The following CHD5 variants were observed in gnomAD, a reference collection of about 807,000 sequenced individuals.
CHD5 encodes the protein ATP-dependent chromatin remodeler CHD5.
A neutral mutation model predicts 230.3 loss-of-function variants in CHD5; 69 were observed. That is an observed-to-expected ratio of 0.30 (90% CI 0.25 to 0.37). The LOEUF (loss-of-function observed/expected upper bound fraction) is 0.37, where lower values mean the gene tolerates loss of function less well. Ranked by LOEUF, CHD5 falls within the 10% of genes least tolerant of loss-of-function variation. The pLI, the probability that CHD5 is intolerant of heterozygous loss-of-function variation, is 1.00. For missense variants in CHD5, 1,827 were observed against 2,622.8 expected (o/e 0.70, Z 6.63); for synonymous variants, 1,064 against 1,065.9 (o/e 1.00, Z 0.03).
chr1:6,117,144 A>G (rs753994760), intron 33 of CHD5, among the ~76,000 whole-genome samples: 2 of 152,184 alleles, frequency 1.3e-5, no homozygotes, highest in Non-Finnish European at 2.9e-5. Flanking sequence ...AGATGGCAGG[A>G]AAAGAGAAAA....
chr1:6,164,479 C>T (rs558486537), intron 2 of CHD5, among the ~76,000 whole-genome samples: 1 of 152,314 alleles, frequency 6.6e-6, no homozygotes, highest in African/African-American at 2.4e-5. Flanking sequence ...GGCTGCAGCC[C>T]GGTTATTTTA....
At position 6,167,157 on chromosome 1, in the gene CHD5, C is replaced by CGGGGAAAAGAAAGGTGGAGAGCT. The variant is rs1667268430; in HGVS notation, c.207+992_207+993insAGCTCTCCACCTTTCTTTTCCCC. On this transcript the variant is annotated intron_variant, in intron 2 of 41. Transcript: ENST00000262450. The surrounding 1 kb of genome is among the most constrained non-coding windows in gnomAD (Gnocchi z 4.5). ...TGGGGCCAGGCCAGTCCCCTCTAGG[C>CGGGGAAAAGAAAGGTGGAGAGCT]GGGGGAAAGAAAGGTGGAGAGCTGG... Among the ~76,000 whole-genome samples, 1 of 152,122 alleles carries CGGGGAAAAGAAAGGTGGAGAGCT rather than the reference C, an allele frequency of 6.6e-6. No individual in the cohort carries two copies. Among genetic ancestry groups the CGGGGAAAAGAAAGGTGGAGAGCT allele is most frequent in the African/African-American group, 2.4e-5 (1 of 41,430 alleles).
chr1:6,128,049 G>A lies in CHD5; in HGVS notation c.3900C>T (p.Gly1300=), dbSNP rs1396018353. Residue 1300 remains glycine, a synonymous_variant, in exon 25 of 42, where the codon GGC becomes GGT. Transcript: ENST00000262450. This position sits in a 1 kb window ranked among gnomAD's most constrained non-coding sequence, Gnocchi z 7.8. The stretch of plus-strand genomic sequence containing the variant: ...GAGGGCGGGCCGGGGACCTTACCAC[G>A]CCGTCCTCCTCGCGCACCACGTACT... ...VAQYVVREED[G]VEEVEREIIK... is the part of the protein sequence containing the mutation. The A allele has an allele frequency of 3.7e-6, 6 of 1,603,824 alleles. No individual in the cohort carries two copies. Among genetic ancestry groups the A allele is most frequent in the African/African-American group, 1.3e-5 (1 of 74,748 alleles).
chr1:6,174,791 T>C (rs1453361502), intron 1 of CHD5, among the ~76,000 whole-genome samples: 1 of 150,770 alleles, frequency 6.6e-6, no homozygotes, highest in African/African-American at 2.5e-5. Flanking sequence ...GGTGGGTGGA[T>C]GGATGAATGG....
At position 6,134,345 on chromosome 1, in the gene CHD5, G is replaced by C. The variant is rs1020357188; in HGVS notation, c.3013-86C>G. 2.0e-6 allele frequency: 3 copies of C among 1,500,850 alleles called. No homozygotes were observed. Among genetic ancestry groups the C allele is most frequent in the East Asian group, 2.3e-5 (1 of 44,120 alleles). The allele number at this position is 1,500,850 out of a possible 1,614,324, so 93.0% of individuals were successfully genotyped here. A position where few individuals can be genotyped will look rare whatever the true frequency, so the allele number is the denominator to read the frequency against. On this transcript the variant is annotated intron_variant, in intron 19 of 41. Coordinates refer to ENST00000262450, the MANE Select transcript of CHD5 (RefSeq NM_015557.3). This position sits in a 1 kb window ranked among gnomAD's most constrained non-coding sequence, Gnocchi z 6.3. ...CAAAGGGGCCGCAGGGAACAGACAA[G>C]TGCTGAGCAATGGGGTGATGGCCTG...
chr1:6,152,416 G>C lies in CHD5; in HGVS notation c.866C>G (p.Ser289Cys). The change falls in exon 6 of 42, where the codon TCC becomes TGC. Residue 289 changes from serine (S) to cysteine (C), a missense_variant. Transcript: ENST00000262450. ...GGISNKRKKG[S>C]SSEEDEREES... ...CGCACACACGCACACACTCACCGAG[G>C]AGCCTTTCTTCCTCTTGTTGCTGAT... The C allele has an allele frequency of 6.2e-7, 1 of 1,613,494 alleles. No individual in the cohort carries two copies. The highest frequency in any genetic ancestry group is 8.5e-7 in the Non-Finnish European group (1 of 1,179,708).
chr1:6,112,878 C>T, intron 34 of CHD5, 31 bp downstream of exon 34: 1 of 1,538,120 alleles, frequency 6.5e-7, no homozygotes, highest in Middle Eastern at 1.7e-4. Flanking sequence ...GACCATGGGG[C>T]ACAGGTAGAG....
Position 6,134,915 on chromosome 1 carries a change from C to T in CHD5, c.2871-56G>A. On this transcript the variant is annotated intron_variant, in intron 18 of 41. Transcript: ENST00000262450. The surrounding 1 kb of genome is among the most constrained non-coding windows in gnomAD (Gnocchi z 6.3). ...GGTCAGACCCGCCTCCATGAGGGCT[C>T]TCTCTGCTCTGCAGTGGGGCTGGAA... 1.2e-6 allele frequency: 2 copies of T among 1,607,204 alleles called. No individual in the cohort carries two copies. The highest frequency in any genetic ancestry group is 1.7e-6 in the Non-Finnish European group (2 of 1,174,998).
In CHD5 at chr1:6,110,044, C is replaced by T. The variant is rs1666260526; in HGVS notation, c.5383-54G>A. 6 of 1,421,166 alleles carry T rather than the reference C, an allele frequency of 4.2e-6. No homozygotes were observed. The South Asian group carries it at 5.8e-5, about 14-fold the overall frequency. The allele number at this position is 1,421,166 out of a possible 1,614,324, so 88.0% of individuals were successfully genotyped here. A position where few individuals can be genotyped will look rare whatever the true frequency, so the allele number is the denominator to read the frequency against. ...CCCCTCCCGCTGAATGGCTACCCTCCGTGCTCCACCAGCGCCCACCCCAGG... is the reference window on the plus strand; with the variant it reads ...CCCCTCCCGCTGAATGGCTACCCTCTGTGCTCCACCAGCGCCCACCCCAGG... On this transcript the variant is annotated intron_variant, in intron 37 of 41. Coordinates refer to ENST00000262450, the MANE Select transcript of CHD5 (RefSeq NM_015557.3).
chr1:6,105,815 C>T lies in CHD5; in HGVS notation c.*47-388G>A, dbSNP rs1666154074. Among the ~76,000 whole-genome samples, 1 of 152,244 alleles carries T rather than the reference C, an allele frequency of 6.6e-6. No individual in the cohort carries two copies. The highest frequency in any genetic ancestry group is 2.1e-4 in the South Asian group (1 of 4,834). On this transcript the variant is annotated intron_variant, in intron 41 of 41. Transcript: ENST00000262450. This position sits in a 1 kb window ranked among gnomAD's most constrained non-coding sequence, Gnocchi z 4.8. ...CCCCACAAAACCCTCAGCCACCCTC[C>T]TGGTCCTGGGCAGGAAGTGAGGGTG...
Position 6,144,006 on chromosome 1 carries a change from C to T in CHD5, c.1934+18G>A, listed in dbSNP as rs201669476. 1.5e-5 allele frequency: 25 copies of T among 1,614,116 alleles called. No homozygotes were observed. Among genetic ancestry groups the T allele is most frequent in the East Asian group, 4.5e-5 (2 of 44,880 alleles). ...GTCCCGGCAGCCTGTGCCTAGCAGC[C>T]GGATCCCTGCGACCCACCTGTGGCC... is the stretch of plus-strand genomic sequence containing the variant. On this transcript the variant is annotated intron_variant, in intron 12 of 41. Transcript: ENST00000262450.
rs778747544 is a variant in CHD5, at chr1:6,148,835, G to A, written c.1383+19C>T. 1.4e-6 allele frequency: 2 copies of A among 1,468,396 alleles called. No individual in the cohort carries two copies. Among genetic ancestry groups the A allele is most frequent in the Non-Finnish European group, 1.8e-6 (2 of 1,103,586 alleles). 91.0% of individuals were successfully genotyped at this position (1,468,396 alleles called of 1,614,324 possible). A position where few individuals can be genotyped will look rare whatever the true frequency, so the allele number is the denominator to read the frequency against. On this transcript the variant is annotated intron_variant, in intron 9 of 41. Coordinates refer to ENST00000262450, the MANE Select transcript of CHD5 (RefSeq NM_015557.3). The stretch of plus-strand genomic sequence containing the variant: ...GGGGTGGGGCGGGGCGTCCGGCGCG[G>A]GGCGGGCGGAACACTCACAGTACAG...
At chr1:6,106,019 G>C (rs1666157420) in intron 41 of CHD5, among the ~76,000 whole-genome samples, 1 of 152,160 alleles carries the variant, frequency 6.6e-6, no homozygotes, top group African/African-American at 2.4e-5. Context: ...CAGCCTCCCA[G>C]TGGACAGACA....
chr1:6,134,952 A>G lies in CHD5; in HGVS notation c.2871-93T>C. The G allele has an allele frequency of 6.5e-7, 1 of 1,536,406 alleles. No individual in the cohort carries two copies. Among genetic ancestry groups the G allele is most frequent in the South Asian group, 1.2e-5 (1 of 85,658 alleles). On this transcript the variant is annotated intron_variant, in intron 18 of 41. Coordinates refer to ENST00000262450, the MANE Select transcript of CHD5 (RefSeq NM_015557.3). The surrounding 1 kb of genome is among the most constrained non-coding windows in gnomAD (Gnocchi z 6.3). ...CAGTGGGGCTGGAAGCTGGTGGCCA[A>G]GCACCCATTTACAGAGAGACCCAAG...
chr1:6,152,379 TGCACACACAC>T (rs1260274691), intron 6 of CHD5, 23 bp downstream of exon 6: 10 of 1,597,746 alleles, frequency 6.3e-6, no homozygotes, highest in Non-Finnish European at 8.5e-6. Flanking sequence ...TGCATGCAAA[TGCACACACAC>T]GCGCACACAC....
At position 6,128,381 on chromosome 1, in the gene CHD5, C is replaced by A. The variant is rs1468863055; in HGVS notation, c.3730+118G>T. 4.5e-6 allele frequency: 5 copies of A among 1,102,080 alleles called. No homozygotes were observed. Among genetic ancestry groups the A allele is most frequent in the South Asian group, 1.4e-5 (1 of 70,338 alleles). 68.3% of individuals were successfully genotyped at this position (1,102,080 alleles called of 1,614,324 possible). A position where few individuals can be genotyped will look rare whatever the true frequency, so the allele number is the denominator to read the frequency against. On this transcript the variant is annotated intron_variant, in intron 24 of 41. Transcript: ENST00000262450. The surrounding 1 kb of genome is among the most constrained non-coding windows in gnomAD (Gnocchi z 7.8). ...GAAACTGCGCTGTAACAGCCCCACT[C>A]GCCGCCCACCTGGCAGTCCCAGGAC...
rs1201515376 is a variant in CHD5, at chr1:6,130,463, C to T, written c.3263-135G>A. The T allele has an allele frequency of 2.4e-6, 2 of 843,326 alleles. No individual in the cohort carries two copies. Among genetic ancestry groups the T allele is most frequent in the Non-Finnish European group, 3.6e-6 (2 of 549,178 alleles). The allele number at this position is 843,326 out of a possible 1,614,324, so 52.2% of individuals were successfully genotyped here. ...CAGAGAAGGACAAAGCCGGAGACCC[C>T]ATCAGAGACGGGTGGCCACAGCTGC... On this transcript the variant is annotated intron_variant, in intron 21 of 41. Coordinates refer to ENST00000262450, the MANE Select transcript of CHD5 (RefSeq NM_015557.3). The surrounding 1 kb of genome is among the most constrained non-coding windows in gnomAD (Gnocchi z 4.9).
At chr1:6,135,133 G>T in intron 18 of CHD5, 97 bp downstream of exon 18, 1 of 1,404,538 alleles carries the variant, frequency 7.1e-7, no homozygotes, top group Non-Finnish European at 1.0e-6. Context: ...ACCTCAGTGA[G>T]GCTGAAGAGC....
chr1:6,136,746 G>A lies in CHD5; in HGVS notation c.2556C>T (p.Leu852=). 6.2e-7 allele frequency: 1 copy of A among 1,612,464 alleles called. No homozygotes were observed. Among genetic ancestry groups the A allele is most frequent in the Non-Finnish European group, 8.5e-7 (1 of 1,178,782 alleles). The change falls in exon 16 of 42, where the codon CTC becomes CTT. Residue 852 remains leucine (L), a synonymous_variant. Coordinates refer to ENST00000262450, the MANE Select transcript of CHD5 (RefSeq NM_015557.3). ...CACCTACCTTGGACTGGTTGTTCTT[G>A]AGGCGGTGGGCCTCATCTACCACCA... ...ACLVVDEAHR[L]KNNQSKFFRV...
Sources: allele counts gnomAD v4.1 joint callset (sites outside exome capture counted in the v4.1 genomes callset), GRCh38; gene constraint gnomAD v4.1.1; non-coding constraint Gnocchi (gnomAD v3.1); transcripts MANE v1.5; gene names NCBI Gene and HGNC (gene_info 2026-07-23, HGNC 2026-07-21).